The following TYW1B variants were observed in gnomAD, a reference collection of about 807,000 sequenced individuals.
TYW1B encodes S-adenosyl-L-methionine-dependent tRNA 4-demethylwyosine synthase TYW1B.
In TYW1B, 73 loss-of-function variants were observed where a neutral mutation model predicts 86.9. The ratio of observed to expected loss-of-function variants is 0.84; its 90% CI spans 0.70 to 1.02. The LOEUF is 1.02. Ranked by LOEUF, TYW1B falls within the 50% of genes least tolerant of loss-of-function variation. The pLI is 0.00. For synonymous variants in TYW1B, 248 were observed against 292.8 expected (o/e 0.85, Z 1.56); for missense variants, 637 against 827.4 (o/e 0.77, Z 2.82).
At chr7:72,669,327 G>T (rs1406725681) in intron 11 of TYW1B, among the ~76,000 whole-genome samples, 2 of 151,520 alleles carry the variant, frequency 1.3e-5, no homozygotes, top group African/African-American at 4.8e-5. Context: ...TGTGTTTTTA[G>T]TAGAGATGGG....
chr7:72,794,032 T>G (rs1208761758), intron 6 of TYW1B, among the ~76,000 whole-genome samples: 1 of 152,116 alleles, frequency 6.6e-6, no homozygotes, highest in Admixed American at 6.6e-5. Context: ...CCTAGGAAAT[T>G]CAGAAGCAAA....
intron 8 of TYW1B, among the ~76,000 whole-genome samples, chr7:72,743,647 C>T (rs1371772467): frequency 3.6e-4 from 54 of 152,008 alleles, no homozygotes; most frequent in East Asian, 1.7e-3. Context: ...AGTTCAAAAC[C>T]GGCCTGGCCA....
intron 11 of TYW1B, among the ~76,000 whole-genome samples, chr7:72,683,341 A>C (rs1585900399): frequency 6.6e-6 from 1 of 152,170 alleles, no homozygotes; most frequent in Non-Finnish European, 1.5e-5. Flanking sequence ...AGGCCAAGGC[A>C]AGTGGATCAT....
chr7:72,775,941 A>G lies in TYW1B; in HGVS notation c.964+1475T>C, dbSNP rs181237510. Among the ~76,000 whole-genome samples the G allele has an allele frequency of 3.8e-3, 575 of 152,310 alleles. 2 individuals carry two copies. Among genetic ancestry groups the G allele is most frequent in the Middle Eastern group, 0.01 (3 of 294 alleles). On this transcript the variant is annotated intron_variant, in intron 7 of 13. Transcript: ENST00000620995. ...TTTTGATTGAGTTAGATATAAAAAT[A>G]GATATTTTTGTTGAAGAAAAAATAA...
chr7:72,821,530 T>C (rs1419746449), intron 2 of TYW1B, among the ~76,000 whole-genome samples: 1 of 152,264 alleles, frequency 6.6e-6, no homozygotes, highest in African/African-American at 2.4e-5. Context: ...CAGTTTACTA[T>C]GGCAATTGTA....
chr7:72,575,812 T>C (rs1346601021), intron 13 of TYW1B, 93 bp from the exon 14 acceptor site: 4 of 1,542,990 alleles, frequency 2.6e-6, no homozygotes, highest in Non-Finnish European at 3.5e-6. Context: ...GTCTGATCTT[T>C]TCTCCCTATC....
At chr7:72,784,461 G>A (rs182120796) in intron 6 of TYW1B, among the ~76,000 whole-genome samples, 2,462 of 152,298 alleles carry the variant, frequency 0.016, 36 homozygotes, top group Non-Finnish European at 0.027. Flanking sequence ...TGAGGATTGA[G>A]TGAGATAATC....
intron 3 of TYW1B, among the ~76,000 whole-genome samples, chr7:72,815,082 AAAAAAAAAG>A (rs1788696238): frequency 9.0e-6 from 1 of 111,470 alleles, no homozygotes; most frequent in Non-Finnish European, 2.1e-5. Context: ...AAAAAAAAAA[AAAAAAAAAG>A]AAAATTGTGG....
chr7:72,758,844 G>A (rs1318260274), intron 7 of TYW1B, among the ~76,000 whole-genome samples: 2 of 152,114 alleles, frequency 1.3e-5, no homozygotes, highest in Admixed American at 1.3e-4. Context: ...TTCTGTCTGG[G>A]AGGCATGACT....
At chr7:72,706,432 A>AAAAC (rs878989867) in intron 10 of TYW1B, among the ~76,000 whole-genome samples, 3 of 6,434 alleles carry the variant, frequency 4.7e-4, no homozygotes, top group African/African-American at 3.4e-3. Context: ...CTCCATCTCC[A>AAAAC]AAAAAAAAAA....
intron 7 of TYW1B, chr7:72,769,171 T>C: frequency 4.6e-6 from 2 of 433,518 alleles, no homozygotes; most frequent in South Asian, 9.9e-5. Flanking sequence ...ATTGGAACTG[T>C]GTTACCATGC....
intron 11 of TYW1B, among the ~76,000 whole-genome samples, chr7:72,652,377 G>GAAAAAAAAAAAA (rs1169791430): frequency 3.2e-5 from 1 of 31,284 alleles, no homozygotes; most frequent in Non-Finnish European, 6.6e-5. Flanking sequence ...GACTCTGTCT[G>GAAAAAAAAAAAA]AAAAAAAAAA....
chr7:72,813,596 A>C (rs1466345620), intron 3 of TYW1B, among the ~76,000 whole-genome samples: 4 of 152,246 alleles, frequency 2.6e-5, no homozygotes, highest in Non-Finnish European at 5.9e-5. Flanking sequence ...GGAGATGCTG[A>C]TGCTGCTGGC....
chr7:72,679,364 CA>C (rs1813814923), intron 11 of TYW1B, among the ~76,000 whole-genome samples: 1 of 152,252 alleles, frequency 6.6e-6, no homozygotes, highest in African/African-American at 2.4e-5. Flanking sequence ...AACTGTGAAA[CA>C]ATCCAAATGC....
intron 2 of TYW1B, among the ~76,000 whole-genome samples, chr7:72,816,445 TGACA>T (rs1211934245): frequency 6.6e-6 from 1 of 152,082 alleles, no homozygotes; most frequent in African/African-American, 2.4e-5. Flanking sequence ...AGAAGACGGT[TGACA>T]GACAGGAAAA....
At chr7:72,719,969 G>A (rs1441852904) in intron 9 of TYW1B, among the ~76,000 whole-genome samples, 5 of 151,954 alleles carry the variant, frequency 3.3e-5, no homozygotes, top group African/African-American at 4.8e-5. Context: ...AGATCACATC[G>A]GGTTCTCCGT....
intron 13 of TYW1B, among the ~76,000 whole-genome samples, chr7:72,591,821 T>C (rs1811401620): frequency 1.4e-5 from 2 of 147,304 alleles, no homozygotes; most frequent in African/African-American, 4.9e-5. Flanking sequence ...TATTTTTTCT[T>C]TTATTTTTAT....
chr7:72,623,851 G>C (rs1385890669), intron 12 of TYW1B, among the ~76,000 whole-genome samples: 3 of 152,160 alleles, frequency 2.0e-5, no homozygotes, highest in African/African-American at 7.2e-5. Flanking sequence ...GACCAGGCTG[G>C]AGTACAGTGG....
chr7:72,643,562 G>A (rs1259588109), intron 11 of TYW1B, among the ~76,000 whole-genome samples: 1 of 151,624 alleles, frequency 6.6e-6, no homozygotes, highest in African/African-American at 2.4e-5. Context: ...ACTCCAGCCT[G>A]GGCAACAGAG....
Sources: gnomAD v4.1 joint callset for allele counts (sites outside exome capture counted in the v4.1 genomes callset) on GRCh38, gnomAD v4.1.1 for gene constraint, MANE v1.5 for transcripts, NCBI Gene and HGNC (gene_info 2026-07-23, HGNC 2026-07-21) for gene names.